Variants in CYP19A1 observed in about 807,000 individuals in gnomAD.
CYP19A1 encodes aromatase.
A neutral mutation model predicts 44.4 loss-of-function variants in CYP19A1; 32 were observed. That is an observed-to-expected ratio of 0.72 (90% CI 0.54 to 0.97). CYP19A1 has a LOEUF of 0.97. CYP19A1 is among the 50% of genes least tolerant of loss of function. The pLI is 0.00. For synonymous variants in CYP19A1, 212 were observed against 215.6 expected (o/e 0.98, Z 0.14); for missense variants, 598 against 637.8 (o/e 0.94, Z 0.67).
At chr15:51,280,744 G>C (rs1251192511) in intron 1 of CYP19A1, among the ~76,000 whole-genome samples, 1 of 151,990 alleles carries the variant, frequency 6.6e-6, no homozygotes, top group Non-Finnish European at 1.5e-5. Flanking sequence ...TTGAACCTTG[G>C]AAAAAAAATT....
rs147200759 is a variant in CYP19A1 at position 51,247,407 on chromosome 15, C to T, written c.-38-4457G>A. Reference sequence around the variant, plus strand: ...CATTACTCCATAGTTACGTCTAAAACCCAATCTGTCAACCTCCTCCTGACC... The same window carrying T: ...CATTACTCCATAGTTACGTCTAAAATCCAATCTGTCAACCTCCTCCTGACC... On this transcript the variant is annotated intron_variant, in intron 1 of 9. Coordinates refer to ENST00000396402, the MANE Select transcript of CYP19A1 (RefSeq NM_000103.4). 7.0e-3 allele frequency among the ~76,000 whole-genome samples: 1,064 copies of T among 152,244 alleles called. 4 individuals are homozygous for T. The highest frequency in any genetic ancestry group is 0.011 in the Non-Finnish European group (751 of 68,002).
chr15:51,233,524 G>A (rs925925121), intron 3 of CYP19A1, among the ~76,000 whole-genome samples: 1 of 152,144 alleles, frequency 6.6e-6, no homozygotes, highest in Admixed American at 6.5e-5. Flanking sequence ...AGCCAATAAT[G>A]ACTATTACAA....
At chr15:51,333,345 A>G (rs1184396800) in intron 1 of CYP19A1, among the ~76,000 whole-genome samples, 1 of 152,000 alleles carries the variant, frequency 6.6e-6, no homozygotes, top group East Asian at 1.9e-4. Context: ...GTTTTCTCAC[A>G]TCTCCCAGGC....
rs2030700762 is a variant in CYP19A1, at chr15:51,209,348, C to T, written c.*1460G>A. 1 of 152,060 alleles carries T rather than the reference C, an allele frequency of 6.6e-6. No homozygotes were observed. The highest frequency in any genetic ancestry group is 1.5e-5 in the Non-Finnish European group (1 of 68,006). 9.4% of individuals were successfully genotyped at this position (152,060 alleles called of 1,614,324 possible). ...GGGAAATGGGGATGGAAATAGATTA[C>T]AAAAGAAAGAAAGTAGCTCCTGCTT... On this transcript the variant is annotated 3_prime_UTR_variant, in exon 10 of 10. Transcript: ENST00000396402.
chr15:51,324,289 C>A (rs932910892), intron 1 of CYP19A1, among the ~76,000 whole-genome samples: 2 of 152,236 alleles, frequency 1.3e-5, no homozygotes, highest in Admixed American at 1.3e-4. Context: ...AAAGGCATAA[C>A]TTCTTGGGAA....
intron 3 of CYP19A1, among the ~76,000 whole-genome samples, chr15:51,230,338 C>T (rs1458685161): frequency 6.6e-6 from 1 of 152,178 alleles, no homozygotes; most frequent in Admixed American, 6.5e-5. Flanking sequence ...TTTCTTAGCA[C>T]TGAGGAGAGT....
In CYP19A1 at chr15:51,210,616, T is replaced by A. The variant is rs761798188; in HGVS notation, c.*192A>T. The A allele has an allele frequency of 2.8e-6, 2 of 718,622 alleles. No homozygotes were observed. The highest frequency in any genetic ancestry group is 3.8e-5 in the Admixed American group (2 of 52,704). 44.5% of individuals were successfully genotyped at this position (718,622 alleles called of 1,614,324 possible). A position where few individuals can be genotyped will look rare whatever the true frequency, so the allele number is the denominator to read the frequency against. ...GGCCTCTGCTTTTTCTCTTGTAGCC[T>A]GGTTCTCTGGTGTGAACAGGAGCAG... On this transcript the variant is annotated 3_prime_UTR_variant, in exon 10 of 10. Coordinates refer to ENST00000396402, the MANE Select transcript of CYP19A1 (RefSeq NM_000103.4).
At chr15:51,275,951 G>T (rs1306495917) in intron 1 of CYP19A1, among the ~76,000 whole-genome samples, 1 of 152,164 alleles carries the variant, frequency 6.6e-6, no homozygotes, top group African/African-American at 2.4e-5. Flanking sequence ...TCCAGCCTGA[G>T]GTTTGAAGGA....
intron 1 of CYP19A1, among the ~76,000 whole-genome samples, chr15:51,294,302 G>C (rs1277364856): frequency 6.8e-6 from 1 of 147,304 alleles, no homozygotes; most frequent in African/African-American, 2.6e-5. Context: ...CGTCTGAGAT[G>C]TGGGGAGCGC....
Position 51,236,918 on chromosome 15 carries a change from C to T in CYP19A1, c.237G>A (p.Arg79=), listed in dbSNP as rs749406233. The change falls in exon 3 of 10, where the codon CGG becomes CGA. Residue 79 remains arginine (R), a synonymous_variant. Transcript: ENST00000396402. ...AGACTCGCATGAATTCTCCATATAC[C>T]CGGTTGTAGTAGTTGCAGGCACTGC... is the stretch of plus-strand genomic sequence containing the variant. ...GIGSACNYYN[R]VYGEFMRVWI... 1.1e-5 allele frequency: 18 copies of T among 1,614,136 alleles called. No homozygotes were observed. In the East Asian group the frequency reaches 3.1e-4, roughly 28 times the overall value.
chr15:51,330,220 A>G (rs2036678178), intron 1 of CYP19A1, among the ~76,000 whole-genome samples: 1 of 152,166 alleles, frequency 6.6e-6, no homozygotes, highest in Non-Finnish European at 1.5e-5. Context: ...AACATATCAC[A>G]TGGACCGAAG....
At chr15:51,213,410 C>T (rs1030136803) in intron 8 of CYP19A1, among the ~76,000 whole-genome samples, 5 of 152,178 alleles carry the variant, frequency 3.3e-5, no homozygotes, top group Admixed American at 1.3e-4. Flanking sequence ...TGAGGCAGCC[C>T]TGTCTCATAT....
Position 51,212,358 on chromosome 15 carries a change from T to G in CYP19A1, c.1225A>C (p.Lys409Gln). The G allele has an allele frequency of 6.2e-7, 1 of 1,602,522 alleles. No homozygotes were observed. The highest frequency in any genetic ancestry group is 8.6e-7 in the Non-Finnish European group (1 of 1,169,386). ...TTTTCAAGAGTAAATTCATTGGGTT[T>G]GGGGAAAAACTCGAGTCTGTGCATC... ...GRMHRLEFFPKPNEFTLENFA... is the reference protein window; with the variant it reads ...GRMHRLEFFPQPNEFTLENFA... Residue 409 changes from lysine (K) to glutamine (Q), a missense_variant, in exon 9 of 10, where the codon AAA (lysine) becomes CAA (glutamine). Transcript: ENST00000396402.
chr15:51,327,181 G>A (rs1243725637), intron 1 of CYP19A1, among the ~76,000 whole-genome samples: 1 of 152,190 alleles, frequency 6.6e-6, no homozygotes, highest in Non-Finnish European at 1.5e-5. Flanking sequence ...CCAGCCCTAA[G>A]GCCAATGGGT....
intron 1 of CYP19A1, among the ~76,000 whole-genome samples, chr15:51,249,030 C>T (rs1488197512): frequency 6.6e-6 from 1 of 151,944 alleles, no homozygotes; most frequent in Non-Finnish European, 1.5e-5. Context: ...ACCTCCGCCT[C>T]CCAGGTTCAA....
chr15:51,229,819 C>A (rs369131152), intron 3 of CYP19A1, among the ~76,000 whole-genome samples: 2 of 152,182 alleles, frequency 1.3e-5, no homozygotes, highest in South Asian at 4.1e-4. Context: ...AAAGGACAAA[C>A]ACTATTTTTC....
intron 1 of CYP19A1, among the ~76,000 whole-genome samples, chr15:51,251,638 T>A (rs555258298): frequency 4.6e-5 from 7 of 152,336 alleles, no homozygotes; most frequent in African/African-American, 1.7e-4. Flanking sequence ...CATCAAAGAA[T>A]GATACATTCA....
rs1555397914 is a variant in CYP19A1 at position 51,297,836 on chromosome 15, A to ACACC, written c.-39+40658_-39+40659insGGTG. On this transcript the variant is annotated intron_variant, in intron 1 of 9. Coordinates refer to ENST00000396402, the MANE Select transcript of CYP19A1 (RefSeq NM_000103.4). ...AGGCATGACACACACACACACACAC[A>ACACC]CACACACACACACACACACACACAC... Among the ~76,000 whole-genome samples, 700 of 150,108 alleles carry ACACC rather than the reference A, an allele frequency of 4.7e-3. 9 individuals carry two copies. Among genetic ancestry groups the ACACC allele is most frequent in the African/African-American group, 0.016 (668 of 40,836 alleles).
chr15:51,272,520 C>T (rs1454230026), intron 1 of CYP19A1, among the ~76,000 whole-genome samples: 1 of 152,090 alleles, frequency 6.6e-6, no homozygotes, highest in Admixed American at 6.5e-5. Context: ...CTCAGAATAT[C>T]GACATCATAG....
Sources: gnomAD v4.1 joint callset for allele counts (sites outside exome capture counted in the v4.1 genomes callset) on GRCh38, gnomAD v4.1.1 for gene constraint, MANE v1.5 for transcripts, NCBI Gene and HGNC (gene_info 2026-07-23, HGNC 2026-07-21) for gene names.